Variants in UGT1A5 observed in about 807,000 individuals in gnomAD.
UGT1A5 encodes the protein UDP-glucuronosyltransferase 1A5.
In UGT1A5, 29 loss-of-function variants were observed where a neutral mutation model predicts 40.3. That is an observed-to-expected ratio of 0.72 (90% CI 0.54 to 0.98). UGT1A5 has a LOEUF of 0.98. Ranked by LOEUF, UGT1A5 falls within the 50% of genes least tolerant of loss-of-function variation. The pLI is 0.00. For synonymous variants in UGT1A5, 257 were observed against 262.5 expected, an observed-to-expected ratio of 0.98 and a Z score of 0.20; for missense variants, 678 against 677.9, an observed-to-expected ratio of 1.00 and a Z score of 0.00.
rs1191601958 is a variant in UGT1A5, at chr2:233,739,349, G to A, written c.867+25491G>A. ...GCCACAGTCCTTCAGAACCCAGAAGGGCAGATCCAATAGCTTGCACTGTGT... is the reference window on the plus strand; with the variant it reads ...GCCACAGTCCTTCAGAACCCAGAAGAGCAGATCCAATAGCTTGCACTGTGT... On this transcript the variant is annotated intron_variant, in intron 1 of 4. Coordinates refer to ENST00000373414, the MANE Select transcript of UGT1A5 (RefSeq NM_019078.2). Among the ~76,000 whole-genome samples, 6 of 152,284 alleles carry A rather than the reference G, an allele frequency of 3.9e-5. No homozygotes were observed. In the East Asian group the frequency reaches 5.8e-4, roughly 15 times the overall value.
intron 1 of UGT1A5, chr2:233,760,883 C>T (rs550460320): frequency 1.9e-6 from 3 of 1,614,168 alleles, no homozygotes; most frequent in South Asian, 2.2e-5. Context: ...CCTCTCTCCT[C>T]TCATTCAGAT....
chr2:233,750,073 G>A (rs535406029), intron 1 of UGT1A5, among the ~76,000 whole-genome samples: 50 of 151,996 alleles, frequency 3.3e-4, no homozygotes, highest in East Asian at 3.9e-4. Flanking sequence ...CTGGGTAACA[G>A]GCAGAGGTTG....
Position 233,730,281 on chromosome 2 carries a change from C to T in UGT1A5, c.867+16423C>T, listed in dbSNP as rs566860864. On this transcript the variant is annotated intron_variant, in intron 1 of 4. Transcript: ENST00000373414. ...GACTGTTGGTTTGTAAAGGCACCATCTTCATGGTTGTGCATGTCCTTCAGC... is the reference window on the plus strand; with the variant it reads ...GACTGTTGGTTTGTAAAGGCACCATTTTCATGGTTGTGCATGTCCTTCAGC... 2.6e-5 allele frequency among the ~76,000 whole-genome samples: 4 copies of T among 152,274 alleles called. No individual in the cohort carries two copies. In the South Asian group the frequency reaches 8.3e-4, roughly 32 times the overall value.
At position 233,744,023 on chromosome 2, in the gene UGT1A5, C is replaced by T. The variant is rs374542514; in HGVS notation, c.868-23011C>T. 1.7e-4 allele frequency: 161 copies of T among 963,346 alleles called. 1 individual carries two copies. In the Middle Eastern group the frequency reaches 2.6e-3, roughly 15 times the overall value. The allele number at this position is 963,346 out of a possible 1,614,324, so 59.7% of individuals were successfully genotyped here. On this transcript the variant is annotated intron_variant, in intron 1 of 4. Coordinates refer to ENST00000373414, the MANE Select transcript of UGT1A5 (RefSeq NM_019078.2). ...CGGAGACCTGGGCCGCCTGGAGAGA[C>T]GCCCCTTATGACGCAGCCACATCTC...
At chr2:233,760,105 A>G in intron 1 of UGT1A5, 1 of 1,175,844 alleles carries the variant, frequency 8.5e-7, no homozygotes, top group Non-Finnish European at 1.2e-6. Context: ...TTGCCTATTA[A>G]GAAACCTAAT....
intron 1 of UGT1A5, chr2:233,760,508 A>T (rs983416663): frequency 5.0e-6 from 8 of 1,614,272 alleles, no homozygotes; most frequent in Non-Finnish European, 6.8e-6. Flanking sequence ...GGAGCATTTT[A>T]CACCTTGAAG....
chr2:233,729,531 G>A (rs757870746), intron 1 of UGT1A5: 11 of 1,614,140 alleles, frequency 6.8e-6, no homozygotes, highest in Non-Finnish European at 9.3e-6. Context: ...TACATAATGA[G>A]GCCCTGATCA....
intron 1 of UGT1A5, chr2:233,755,033 G>A (rs1238728031): frequency 2.3e-6 from 3 of 1,314,014 alleles, no homozygotes; most frequent in Non-Finnish European, 3.1e-6. Context: ...AGGGCCTGCC[G>A]CCTGCGCAGC....
At chr2:233,745,380 C>A (rs531226985) in intron 1 of UGT1A5, among the ~76,000 whole-genome samples, 1 of 151,924 alleles carries the variant, frequency 6.6e-6, no homozygotes, top group East Asian at 1.9e-4. Flanking sequence ...GTTCTCTTCA[C>A]CTCCTTATTC....
At chr2:233,719,137 T>G (rs1197566998) in intron 1 of UGT1A5, 1 of 1,614,254 alleles carries the variant, frequency 6.2e-7, no homozygotes, top group Non-Finnish European at 8.5e-7. Context: ...ACAGAACATC[T>G]TCTGAAGAGA....
intron 1 of UGT1A5, among the ~76,000 whole-genome samples, chr2:233,742,214 A>C (rs1413606991): frequency 6.6e-6 from 1 of 151,982 alleles, no homozygotes; most frequent in African/African-American, 2.4e-5. Context: ...CACAGCCTTC[A>C]GGGCTGAGAG....
chr2:233,761,076 T>A, intron 1 of UGT1A5: 4 of 1,614,164 alleles, frequency 2.5e-6, no homozygotes, highest in Non-Finnish European at 3.4e-6. Flanking sequence ...TTGTGAAGGA[T>A]TACCCTAGGC....
intron 1 of UGT1A5, chr2:233,729,291 C>A (rs370316255): frequency 1.9e-5 from 30 of 1,614,090 alleles, no homozygotes; most frequent in African/African-American, 2.7e-5. Context: ...ATGCCAGAGG[C>A]CACCAGGCAG....
intron 1 of UGT1A5, chr2:233,747,447 A>G (rs757762144): frequency 1.5e-4 from 248 of 1,608,780 alleles, no homozygotes; most frequent in Non-Finnish European, 2.0e-4. Context: ...CACCCTGACA[A>G]CCTATGCCAT....
At position 233,769,677 on chromosome 2, in the gene UGT1A5, G is replaced by A; in HGVS notation, c.1307+1238G>A. 6.3e-6 allele frequency: 10 copies of A among 1,577,312 alleles called. No homozygotes were observed. Among genetic ancestry groups the A allele is most frequent in the Non-Finnish European group, 8.6e-6 (10 of 1,161,616 alleles). ...TCCCACCTTTGAGGTGCTAATGTGT[G>A]TGTGGTGGCACTGGATAAAAGATCA... On this transcript the variant is annotated intron_variant, in intron 4 of 4. Transcript: ENST00000373414. The surrounding 1 kb of genome is among the most constrained non-coding windows in gnomAD (Gnocchi z 4.4).
intron 1 of UGT1A5, among the ~76,000 whole-genome samples, chr2:233,765,626 G>A (rs892364448): frequency 2.0e-5 from 3 of 151,774 alleles, no homozygotes; most frequent in Admixed American, 2.0e-4. Context: ...GGTGAGGGGA[G>A]GAACTTAGAG....
chr2:233,768,215 C>T lies in UGT1A5; in HGVS notation c.1088-5C>T. The T allele has an allele frequency of 1.2e-6, 2 of 1,614,186 alleles. No individual in the cohort carries two copies. Among genetic ancestry groups the T allele is most frequent in the Admixed American group, 3.3e-5 (2 of 60,020 alleles). On this transcript the variant is annotated splice_polypyrimidine_tract_variant and splice_region_variant and intron_variant, in intron 3 of 4. Coordinates refer to ENST00000373414, the MANE Select transcript of UGT1A5 (RefSeq NM_019078.2). Reference sequence around the variant, plus strand: ...TGCTGACATCCTCCCTATTTTGCATCTCAGGTCACCCGATGACCCGTGCCT... The same window carrying T: ...TGCTGACATCCTCCCTATTTTGCATTTCAGGTCACCCGATGACCCGTGCCT...
rs117456176 is a variant in UGT1A5 at position 233,727,764 on chromosome 2, G to C, written c.867+13906G>C. On this transcript the variant is annotated intron_variant, in intron 1 of 4. Transcript: ENST00000373414. Reference sequence around the variant, plus strand: ...CCTGCGTGTGCTGCCCTTGAGCTGGGTGTCCCCCAGTAGACGCTTCCATTC... The same window carrying C: ...CCTGCGTGTGCTGCCCTTGAGCTGGCTGTCCCCCAGTAGACGCTTCCATTC... 6.8e-4 allele frequency among the ~76,000 whole-genome samples: 104 copies of C among 152,302 alleles called. No individual in the cohort carries two copies. The East Asian group carries it at 0.02, about 29-fold the overall frequency.
chr2:233,762,557 A>G (rs1283920878), intron 1 of UGT1A5, among the ~76,000 whole-genome samples: 3 of 152,170 alleles, frequency 2.0e-5, no homozygotes. Flanking sequence ...TCTGCTGGAG[A>G]TCTAGTCTAG....
Sources: allele counts gnomAD v4.1 joint callset (sites outside exome capture counted in the v4.1 genomes callset), GRCh38; gene constraint gnomAD v4.1.1; non-coding constraint Gnocchi (gnomAD v3.1); transcripts MANE v1.5; gene names NCBI Gene and HGNC (gene_info 2026-07-23, HGNC 2026-07-21).